Variants in RAPGEF2 observed in about 807,000 individuals in gnomAD.
RAPGEF2 encodes Rap guanine nucleotide exchange factor 2, also known as PDZ domain containing guanine nucleotide exchange factor (GEF) 1.
RAPGEF2 carries 54 observed loss-of-function variants against 186.7 expected under a neutral mutation model. That is an observed-to-expected ratio of 0.29 (90% CI 0.23 to 0.36). The LOEUF (loss-of-function observed/expected upper bound fraction) is 0.36. RAPGEF2 is among the 10% of genes least tolerant of loss of function. The pLI is 1.00. For synonymous variants in RAPGEF2, 712 were observed against 705.9 expected, an observed-to-expected ratio of 1.01 and a Z score of -0.14; for missense variants, 1,532 against 2,045.0, an observed-to-expected ratio of 0.75 and a Z score of 4.84.
intron 3 of RAPGEF2, among the ~76,000 whole-genome samples, chr4:159,202,108 C>T (rs1489137245): frequency 6.6e-6 from 1 of 152,204 alleles, no homozygotes; most frequent in Non-Finnish European, 1.5e-5. Flanking sequence ...GTGTGCTCGG[C>T]TCAGCCACTG....
At chr4:159,169,356 G>A (rs1013415820) in intron 1 of RAPGEF2, among the ~76,000 whole-genome samples, 4 of 152,160 alleles carry the variant, frequency 2.6e-5, no homozygotes, top group Non-Finnish European at 5.9e-5. Context: ...TATTTATGGT[G>A]TACAACGTGA....
chr4:159,240,969 T>G, intron 5 of RAPGEF2: 1 of 417,870 alleles, frequency 2.4e-6, no homozygotes, highest in Non-Finnish European at 4.2e-6. Context: ...ATTCAAGAGT[T>G]ACCCATATTG....
At chr4:159,121,874 CAA>C (rs35034524) in intron 1 of RAPGEF2, among the ~76,000 whole-genome samples, 2 of 133,752 alleles carry the variant, frequency 1.5e-5, no homozygotes, top group Non-Finnish European at 1.6e-5. Flanking sequence ...ACTAAAAATA[CAA>C]AAAAAAAAAA....
intron 1 of RAPGEF2, among the ~76,000 whole-genome samples, chr4:159,175,279 G>T (rs956624743): frequency 1.4e-5 from 2 of 147,850 alleles, no homozygotes; most frequent in Non-Finnish European, 3.0e-5. Flanking sequence ...AGTAATTATT[G>T]TAACTCTAAA....
intron 3 of RAPGEF2, among the ~76,000 whole-genome samples, chr4:159,201,804 T>C (rs1343828808): frequency 6.6e-6 from 1 of 152,204 alleles, no homozygotes; most frequent in Non-Finnish European, 1.5e-5. Flanking sequence ...TATTTTTTGG[T>C]CATGGGTGGC....
chr4:159,286,438 T>G (rs1760507589), intron 7 of RAPGEF2, among the ~76,000 whole-genome samples: 1 of 152,180 alleles, frequency 6.6e-6, no homozygotes, highest in South Asian at 2.1e-4. Flanking sequence ...TTCTTCTGCA[T>G]GCTATTCTTC....
At chr4:159,308,717 A>T (rs928408709) in intron 8 of RAPGEF2, among the ~76,000 whole-genome samples, 7 of 152,194 alleles carry the variant, frequency 4.6e-5, no homozygotes, top group Admixed American at 4.6e-4. Context: ...AGAGGAATTC[A>T]TGAGTGAATT....
chr4:159,142,550 G>C (rs1225938334), intron 1 of RAPGEF2, among the ~76,000 whole-genome samples: 1 of 150,746 alleles, frequency 6.6e-6, no homozygotes, highest in Non-Finnish European at 1.5e-5. Flanking sequence ...CAAAAATTGG[G>C]TATGAATGGG....
At chr4:159,307,006 A>C (rs771975776) in intron 8 of RAPGEF2, among the ~76,000 whole-genome samples, 30 of 152,174 alleles carry the variant, frequency 2.0e-4, no homozygotes, top group Non-Finnish European at 4.1e-4. Flanking sequence ...TGAATGTGCA[A>C]ATTTAGGAAA....
At chr4:159,162,628 TTC>T (rs1744839847) in intron 1 of RAPGEF2, among the ~76,000 whole-genome samples, 1 of 152,124 alleles carries the variant, frequency 6.6e-6, no homozygotes, top group Admixed American at 6.5e-5. Flanking sequence ...TTTGCTGGTG[TTC>T]TCTCATTTAA....
intron 11 of RAPGEF2, chr4:159,329,315 A>G (rs1479436920): frequency 3.3e-5 from 5 of 152,262 alleles, no homozygotes; most frequent in Admixed American, 2.0e-4. Flanking sequence ...GTTTTGAGCT[A>G]TAACACATAT....
At chr4:159,140,186 A>G (rs756353792) in intron 1 of RAPGEF2, among the ~76,000 whole-genome samples, 9 of 152,216 alleles carry the variant, frequency 5.9e-5, no homozygotes, top group South Asian at 2.1e-4. Flanking sequence ...GTTTTATACT[A>G]TTAGGAGATA....
chr4:159,225,965 GTT>G (rs1356277487), intron 4 of RAPGEF2, among the ~76,000 whole-genome samples: 1 of 152,078 alleles, frequency 6.6e-6, no homozygotes, highest in Non-Finnish European at 1.5e-5. Flanking sequence ...CTTTTTGAAA[GTT>G]AAGTCTTTTA....
chr4:159,158,254 T>C (rs1358351254), intron 1 of RAPGEF2, among the ~76,000 whole-genome samples: 1 of 152,208 alleles, frequency 6.6e-6, no homozygotes, highest in Non-Finnish European at 1.5e-5. Context: ...TGCATGCAGA[T>C]CAGTGATCCT....
In RAPGEF2 at chr4:159,304,420, G is replaced by A. The variant is rs768919549; in HGVS notation, c.622G>A (p.Gly208Arg). The A allele has an allele frequency of 6.2e-7, 1 of 1,603,054 alleles. No homozygotes were observed. Among genetic ancestry groups the A allele is most frequent in the East Asian group, 2.2e-5 (1 of 44,748 alleles). The change falls in exon 8 of 30, where the codon GGA (glycine) becomes AGA (arginine). Residue 208 changes from glycine (G) to arginine (R), a missense_variant. Gly to Arg is a moderately radical substitution (Grantham distance 125). Transcript: ENST00000691494. ...QVTHVSSSHS[G>R]CSITSDSGSS... The stretch of plus-strand genomic sequence containing the variant: ...GACCCACGTTTCTTCTAGCCATTCA[G>A]GATGTAGTATCACTAGTGATTCTGG...
chr4:159,350,875 C>T (rs551030993), intron 26 of RAPGEF2, among the ~76,000 whole-genome samples: 1 of 152,300 alleles, frequency 6.6e-6, no homozygotes, highest in East Asian at 1.9e-4. Context: ...TAATAAATGG[C>T]TAGGACGTAG....
At chr4:159,127,073 C>T (rs1740402879) in intron 1 of RAPGEF2, among the ~76,000 whole-genome samples, 2 of 152,196 alleles carry the variant, frequency 1.3e-5, no homozygotes, top group Admixed American at 1.3e-4. Flanking sequence ...GTCGCCCAGG[C>T]TGGAGTGCAG....
chr4:159,291,933 G>C (rs79175535), intron 7 of RAPGEF2, among the ~76,000 whole-genome samples: 1 of 152,050 alleles, frequency 6.6e-6, no homozygotes, highest in African/African-American at 2.4e-5. Context: ...TAGATAAGCA[G>C]AAACAAATTT....
chr4:159,266,602 A>AT (rs1757458041), intron 7 of RAPGEF2, among the ~76,000 whole-genome samples: 1 of 152,016 alleles, frequency 6.6e-6, no homozygotes, highest in African/African-American at 2.4e-5. Flanking sequence ...GGGTAGGTTA[A>AT]TTTTTTATAT....
Sources: allele counts gnomAD v4.1 joint callset (sites outside exome capture counted in the v4.1 genomes callset), GRCh38; gene constraint gnomAD v4.1.1; transcripts MANE v1.5; gene names NCBI Gene and HGNC (gene_info 2026-07-23, HGNC 2026-07-21).